Variants in NBAS observed in about 807,000 individuals in gnomAD.
The protein encoded by NBAS is NBAS subunit of NRZ tethering complex, also known as NAG/BC035112 fusion.
A neutral mutation model predicts 302.5 loss-of-function variants in NBAS; 219 were observed. The observed-to-expected ratio is 0.72, with a 90% CI of 0.65 to 0.81. NBAS has a LOEUF of 0.81. NBAS is among the 30% of genes least tolerant of loss of function. The pLI, the probability that NBAS is intolerant of heterozygous loss-of-function variation, is 0.00. For synonymous variants in NBAS, 1,118 were observed against 1,021.6 expected, an observed-to-expected ratio of 1.09 and a Z score of -1.80; for missense variants, 2,932 against 2,841.6, an observed-to-expected ratio of 1.03 and a Z score of -0.72.
the NBAS span, among the ~76,000 whole-genome samples, chr2:14,854,863 A>G: frequency 2.0e-5 from 3 of 152,188 alleles, no homozygotes; most frequent in African/African-American, 7.2e-5. Context: ...TGCAACTCAT[A>G]GGTGAGTCCT....
chr2:15,129,727 A>G, the NBAS span, among the ~76,000 whole-genome samples: 1 of 152,080 alleles, frequency 6.6e-6, no homozygotes, highest in African/African-American at 2.4e-5. Flanking sequence ...GGCTGGGTAC[A>G]TTTCACCAGC....
intron 18 of NBAS, 115 bp downstream of exon 18, chr2:15,467,549 T>C (rs1383809654): frequency 1.1e-5 from 14 of 1,286,180 alleles, no homozygotes; most frequent in East Asian, 2.4e-5. Flanking sequence ...TAATAGTAAG[T>C]ACATTTGATC....
chr2:15,044,228 A>G, the NBAS span, among the ~76,000 whole-genome samples: 1 of 152,168 alleles, frequency 6.6e-6, no homozygotes, highest in Non-Finnish European at 1.5e-5. Flanking sequence ...CTGTAAGACT[A>G]CCTGCTAATA....
At position 15,352,635 on chromosome 2, in the gene NBAS, C is replaced by A. The variant is rs1673419577; in HGVS notation, c.4090-554G>T. ...GGTTGTGCACACGTGCAATGGCCTG[C>A]TGGTGATGGGAGGGGAGCGTGCGCA... On this transcript the variant is annotated intron_variant, in intron 34 of 51. Coordinates refer to ENST00000281513, the MANE Select transcript of NBAS (RefSeq NM_015909.4). Among the ~76,000 whole-genome samples the A allele has an allele frequency of 2.6e-5, 4 of 152,088 alleles. No homozygotes were observed. The South Asian group carries it at 8.3e-4, about 32-fold the overall frequency.
chr2:15,339,905 C>T (rs1572685099), intron 35 of NBAS, among the ~76,000 whole-genome samples: 2 of 149,344 alleles, frequency 1.3e-5, no homozygotes, highest in South Asian at 4.2e-4. Flanking sequence ...GCTGGGAATG[C>T]TTAAAGAATG....
intron 38 of NBAS, among the ~76,000 whole-genome samples, chr2:15,324,961 A>C (rs1012620193): frequency 6.6e-6 from 1 of 152,164 alleles, no homozygotes. Flanking sequence ...ACCCAGAAAT[A>C]TGCACCTCTC....
chr2:15,247,017 G>A (rs1444322282), intron 44 of NBAS, among the ~76,000 whole-genome samples: 1 of 152,214 alleles, frequency 6.6e-6, no homozygotes, highest in African/African-American at 2.4e-5. Context: ...GCTGAAAGGT[G>A]ACATCTCCAA....
At chr2:15,253,427 G>GAGAT (rs1402334953) in intron 44 of NBAS, among the ~76,000 whole-genome samples, 2 of 152,202 alleles carry the variant, frequency 1.3e-5, no homozygotes, top group Admixed American at 6.5e-5. Context: ...AGCAAGAGAA[G>GAGAT]AGATGCAAAG....
the NBAS span, among the ~76,000 whole-genome samples, chr2:14,860,992 A>T: frequency 7.9e-5 from 12 of 152,334 alleles, no homozygotes; most frequent in Non-Finnish European, 1.8e-4. Context: ...TATCAATTTT[A>T]AAAAATAAAT....
At chr2:15,344,153 G>C (rs1449146643) in intron 35 of NBAS, among the ~76,000 whole-genome samples, 1 of 151,754 alleles carries the variant, frequency 6.6e-6, no homozygotes, top group African/African-American at 2.4e-5. Flanking sequence ...ATCATCATTA[G>C]TTACTTGGGA....
the NBAS span, among the ~76,000 whole-genome samples, chr2:14,954,474 T>A: frequency 6.6e-6 from 1 of 152,200 alleles, no homozygotes. Context: ...TTTCTTTCTC[T>A]GGAAGCATCC....
chr2:15,436,618 C>T (rs114318260), intron 21 of NBAS, among the ~76,000 whole-genome samples: 2 of 152,172 alleles, frequency 1.3e-5, no homozygotes, highest in African/African-American at 4.8e-5. Flanking sequence ...TCACAGCATG[C>T]ATATTTATAA....
chr2:14,809,281 G>A, the NBAS span, among the ~76,000 whole-genome samples: 6 of 152,186 alleles, frequency 3.9e-5, no homozygotes, highest in African/African-American at 7.2e-5. Context: ...AGAGGTCTTC[G>A]TGGCAGCCCC....
chr2:14,995,754 G>A, the NBAS span, among the ~76,000 whole-genome samples: 1 of 152,082 alleles, frequency 6.6e-6, no homozygotes, highest in Non-Finnish European at 1.5e-5. Context: ...GTCTTGCTAT[G>A]TTGCCCAGTG....
chr2:15,284,569 GAAT>G (rs1414297232), intron 42 of NBAS, among the ~76,000 whole-genome samples: 2 of 152,114 alleles, frequency 1.3e-5, no homozygotes, highest in African/African-American at 4.8e-5. Context: ...ACAATTATGA[GAAT>G]AATAACTTCA....
At chr2:14,847,838 T>A in the NBAS span, among the ~76,000 whole-genome samples, 1 of 152,168 alleles carries the variant, frequency 6.6e-6, no homozygotes, top group Non-Finnish European at 1.5e-5. Context: ...ACATGCTTTT[T>A]CTCAGCAAAT....
At chr2:15,432,846 C>T (rs930626133) in intron 21 of NBAS, among the ~76,000 whole-genome samples, 4 of 151,994 alleles carry the variant, frequency 2.6e-5, no homozygotes, top group Admixed American at 2.0e-4. Context: ...AACACCAAGT[C>T]GAAAAAAAAG....
chr2:14,834,225 G>T, the NBAS span, among the ~76,000 whole-genome samples: 29 of 152,282 alleles, frequency 1.9e-4, no homozygotes, highest in African/African-American at 6.5e-4. Context: ...CCTAACTGCA[G>T]ACACAGCAGA....
intron 21 of NBAS, among the ~76,000 whole-genome samples, chr2:15,456,692 AGCT>A (rs1679262328): frequency 1.3e-5 from 2 of 152,244 alleles, no homozygotes; most frequent in African/African-American, 4.8e-5. Context: ...TGTCCATTGG[AGCT>A]GCTATTTCAG....
Sources: gnomAD v4.1 joint callset for allele counts (sites outside exome capture counted in the v4.1 genomes callset) on GRCh38, gnomAD v4.1.1 for gene constraint, MANE v1.5 for transcripts, NCBI Gene and HGNC (gene_info 2026-07-23, HGNC 2026-07-21) for gene names.